The following ANK2 variants were observed in gnomAD, a reference collection of about 807,000 sequenced individuals.
ANK2 encodes the protein ankyrin 2.
In ANK2, 83 loss-of-function variants were observed where a neutral mutation model predicts 360.5. The observed-to-expected ratio is 0.23, with a 90% CI of 0.19 to 0.28. The LOEUF is 0.28. ANK2 is among the 10% of genes least tolerant of loss of function. ANK2 has a pLI of 1.00. For synonymous variants in ANK2, 1,740 were observed against 1,759.5 expected, an observed-to-expected ratio of 0.99 and a Z score of 0.28; for missense variants, 4,201 against 4,795.7, an observed-to-expected ratio of 0.88 and a Z score of 3.66.
chr4:112,896,230 G>A (rs17045117), intron 1 of ANK2, among the ~76,000 whole-genome samples: 1 of 152,144 alleles, frequency 6.6e-6, no homozygotes, highest in Admixed American at 6.6e-5. Context: ...AGCCATAGGA[G>A]GAAGGAGCTA....
chr4:112,902,114 T>G lies in ANK2; in HGVS notation c.-39-2341T>G, dbSNP rs545125411. 2.0e-5 allele frequency among the ~76,000 whole-genome samples: 3 copies of G among 152,268 alleles called. No homozygotes were observed. In the East Asian group the frequency reaches 5.8e-4, roughly 29 times the overall value. ...TTTCCTGGAGAAGAATAAACATGTA[T>G]GCAAAAGCCCAGGAACTGGTTTTTC... On this transcript the variant is annotated intron_variant, in intron 1 of 30. Transcript: ENST00000503271.
the ANK2 span, among the ~76,000 whole-genome samples, chr4:112,735,399 T>G: frequency 6.6e-6 from 1 of 152,214 alleles, no homozygotes; most frequent in African/African-American, 2.4e-5. Flanking sequence ...GCATTTCTTC[T>G]CTGTGCACAT....
At chr4:113,150,606 C>G (rs2097029916) in intron 1 of ANK2, among the ~76,000 whole-genome samples, 1 of 152,146 alleles carries the variant, frequency 6.6e-6, no homozygotes. Context: ...CAAAGCAGGA[C>G]TTTGAATATT....
intron 22 of ANK2, among the ~76,000 whole-genome samples, chr4:113,302,052 A>T (rs964549258): frequency 4.6e-5 from 7 of 152,182 alleles, no homozygotes; most frequent in Non-Finnish European, 8.8e-5. Flanking sequence ...GGTTGAGGAA[A>T]TTGAGGCACA....
chr4:113,048,136 A>G (rs2065175451), upstream of ANK2, among the ~76,000 whole-genome samples: 1 of 150,794 alleles, frequency 6.6e-6, no homozygotes, highest in South Asian at 2.1e-4. Context: ...ACTTCTAAGT[A>G]TGCTGTGTAT....
At chr4:113,024,794 C>A (rs183346632) in intron 2 of ANK2, among the ~76,000 whole-genome samples, 3 of 152,032 alleles carry the variant, frequency 2.0e-5, no homozygotes, top group Admixed American at 6.6e-5. Flanking sequence ...TGGTTCTATG[C>A]GTTTGTTAGT....
At chr4:113,326,126 C>T (rs1476853462) in intron 26 of ANK2, among the ~76,000 whole-genome samples, 2 of 152,124 alleles carry the variant, frequency 1.3e-5, no homozygotes, top group East Asian at 1.9e-4. Context: ...CATAAAAGTA[C>T]GTTTGCTTAC....
intron 1 of ANK2, among the ~76,000 whole-genome samples, chr4:113,065,852 C>T (rs1199928029): frequency 6.6e-6 from 1 of 152,180 alleles, no homozygotes; most frequent in Non-Finnish European, 1.5e-5. Flanking sequence ...TCAATTGCTT[C>T]ATGAGAACTT....
At chr4:112,782,710 A>C in the ANK2 span, among the ~76,000 whole-genome samples, 1 of 151,702 alleles carries the variant, frequency 6.6e-6, no homozygotes. Context: ...CTCTACCAAA[A>C]ATACAAAAAT....
intron 2 of ANK2, among the ~76,000 whole-genome samples, chr4:113,020,030 G>T (rs554393658): frequency 6.6e-6 from 1 of 152,222 alleles, no homozygotes; most frequent in African/African-American, 2.4e-5. Flanking sequence ...GGCTTTTCAG[G>T]ATTGACAGCA....
chr4:112,844,883 GAGAAA>G (rs570573568), intron 1 of ANK2, among the ~76,000 whole-genome samples: 5 of 152,274 alleles, frequency 3.3e-5, no homozygotes, highest in Admixed American at 6.5e-5. Flanking sequence ...CAGAATCAAT[GAGAAA>G]ATCCTCTCAT....
intron 2 of ANK2, among the ~76,000 whole-genome samples, chr4:113,041,131 C>T (rs2062845288): frequency 6.6e-6 from 1 of 152,064 alleles, no homozygotes; most frequent in African/African-American, 2.4e-5. Context: ...TGCTTAGTTC[C>T]CATTCAATAA....
At chr4:113,172,030 C>T (rs2097981648) in intron 1 of ANK2, among the ~76,000 whole-genome samples, 1 of 152,196 alleles carries the variant, frequency 6.6e-6, no homozygotes, top group Non-Finnish European at 1.5e-5. Context: ...TGAGTTTAAT[C>T]ATGTTAAGCA....
chr4:113,266,834 G>A (rs1459125583), intron 14 of ANK2, among the ~76,000 whole-genome samples: 1 of 151,990 alleles, frequency 6.6e-6, no homozygotes, highest in Non-Finnish European at 1.5e-5. Flanking sequence ...CTGAGATCGT[G>A]CCATTGCACT....
intron 1 of ANK2, among the ~76,000 whole-genome samples, chr4:112,823,480 G>C (rs1226302264): frequency 6.6e-6 from 1 of 151,326 alleles, no homozygotes; most frequent in Non-Finnish European, 1.5e-5. Flanking sequence ...TTAGTCAGGG[G>C]ATATTAGTTG....
At position 112,936,850 on chromosome 4, in the gene ANK2, G is replaced by A. The variant is rs142373092; in HGVS notation, c.21+32336G>A. 6.6e-3 allele frequency among the ~76,000 whole-genome samples: 997 copies of A among 152,150 alleles called. 5 individuals carry two copies. Among genetic ancestry groups the A allele is most frequent in the East Asian group, 0.02 (106 of 5,174 alleles). On this transcript the variant is annotated intron_variant, in intron 2 of 30. Coordinates refer to the ANK2 transcript ENST00000503271. The stretch of plus-strand genomic sequence containing the variant: ...GTTGCCCAGGCTGTAGTGCAGTGGC[G>A]TGATCATAGCTCATTGCAGCCTCAA...
the ANK2 span, among the ~76,000 whole-genome samples, chr4:112,740,160 A>AG: frequency 6.6e-6 from 1 of 151,942 alleles, no homozygotes; most frequent in Admixed American, 6.6e-5. Context: ...GAAAAAAAAA[A>AG]GAGGAAAAGC....
At chr4:112,822,238 TAAAA>T (rs1211981767) in intron 1 of ANK2, among the ~76,000 whole-genome samples, 32 of 88,538 alleles carry the variant, frequency 3.6e-4, no homozygotes, top group Middle Eastern at 7.0e-3. Flanking sequence ...CTGTCTCTAC[TAAAA>T]AAAAAAAAAA....
intron 1 of ANK2, among the ~76,000 whole-genome samples, chr4:113,063,567 A>G (rs2154335872): frequency 6.6e-6 from 1 of 152,290 alleles, no homozygotes; most frequent in South Asian, 2.1e-4. Context: ...TATAAATAGT[A>G]ATACACATGC....
Sources: allele counts gnomAD v4.1 joint callset (sites outside exome capture counted in the v4.1 genomes callset), GRCh38; gene constraint gnomAD v4.1.1; transcripts MANE v1.5; gene names NCBI Gene and HGNC (gene_info 2026-07-23, HGNC 2026-07-21).